The following HHLA1 variants were observed in gnomAD, a reference collection of about 807,000 sequenced individuals.
HHLA1 encodes HERV-H LTR-associating protein 1.
A neutral mutation model predicts 69.9 loss-of-function variants in HHLA1; 72 were observed. The ratio of observed to expected loss-of-function variants is 1.03; its 90% confidence interval spans 0.85 to 1.25. The LOEUF is 1.25. Among genes scored for constraint, HHLA1 ranks in the 50% most tolerant of loss-of-function variants. The pLI is 0.00. For missense variants in HHLA1, 685 were observed against 642.2 expected (o/e 1.07, Z -0.72); for synonymous variants, 252 against 233.2 (o/e 1.08, Z -0.73).
chr8:132,078,171 AACACACAC>A (rs34612835), intron 11 of HHLA1, among the ~76,000 whole-genome samples, 200 bp from the exon 12 acceptor site: 5,623 of 144,458 alleles, frequency 0.039, 327 homozygotes, highest in African/African-American at 0.13. Flanking sequence ...AGCACCAATA[AACACACAC>A]ACACACACAC....
intron 7 of HHLA1, among the ~76,000 whole-genome samples, chr8:132,092,281 G>C (rs1586732207): frequency 6.6e-6 from 1 of 152,202 alleles, no homozygotes; most frequent in Non-Finnish European, 1.5e-5. Context: ...TGCTTTGTGG[G>C]TGAGTGTAGC....
chr8:132,068,078 T>C (rs1425760278), intron 15 of HHLA1, among the ~76,000 whole-genome samples: 1 of 152,194 alleles, frequency 6.6e-6, no homozygotes, highest in Non-Finnish European at 1.5e-5. Context: ...AAAGCTTCTG[T>C]GATAGAGGAT....
At chr8:132,092,887 G>A (rs1823967525) in intron 7 of HHLA1, among the ~76,000 whole-genome samples, 1 of 152,176 alleles carries the variant, frequency 6.6e-6, no homozygotes, top group Non-Finnish European at 1.5e-5. Flanking sequence ...AGATCATTAT[G>A]AAAGGCAAAG....
At chr8:132,090,820 G>A (rs59476956) in intron 7 of HHLA1, among the ~76,000 whole-genome samples, 1,673 of 147,278 alleles carry the variant, frequency 0.011, 36 homozygotes, top group African/African-American at 0.04. Context: ...GTGCAGTGGC[G>A]CAATCTCGGC....
At chr8:132,072,369 T>C (rs1823561647) in intron 14 of HHLA1, among the ~76,000 whole-genome samples, 1 of 152,144 alleles carries the variant, frequency 6.6e-6, no homozygotes, top group Non-Finnish European at 1.5e-5. Flanking sequence ...ACAATTTATA[T>C]AAAGTATATT....
intron 14 of HHLA1, among the ~76,000 whole-genome samples, chr8:132,073,866 C>T (rs989324473): frequency 2.0e-5 from 3 of 152,202 alleles, no homozygotes; most frequent in Admixed American, 6.5e-5. Flanking sequence ...GTCTCCCTAT[C>T]CACACAGTCA....
At chr8:132,105,108 G>T in intron 2 of HHLA1, 79 bp downstream of exon 2, 1 of 1,049,672 alleles carries the variant, frequency 9.5e-7, no homozygotes, top group Non-Finnish European at 1.4e-6. Context: ...AATGTTGGCT[G>T]CTGAGGTTCT....
chr8:132,065,247 T>C (rs1823413981), intron 16 of HHLA1, among the ~76,000 whole-genome samples: 1 of 152,120 alleles, frequency 6.6e-6, no homozygotes, highest in Non-Finnish European at 1.5e-5. Context: ...TTTGCATGAA[T>C]TATTTGTTTG....
At position 132,095,510 on chromosome 8, in the gene HHLA1, T is replaced by G. The variant is rs1586733289; in HGVS notation, c.448+9A>C. On this transcript the variant is annotated intron_variant, in intron 7 of 16. Coordinates refer to ENST00000414222, the MANE Select transcript of HHLA1 (RefSeq NM_001145095.3). Reference sequence around the variant, plus strand: ...AAAAGCTGCAAGCCTCATGGTAAGCTGTACCCACCTGATAAGTCATTGGTC... The same window carrying G: ...AAAAGCTGCAAGCCTCATGGTAAGCGGTACCCACCTGATAAGTCATTGGTC... The G allele has an allele frequency of 6.5e-7, 1 of 1,533,310 alleles. No individual in the cohort carries two copies. Among genetic ancestry groups the G allele is most frequent in the African/African-American group, 1.4e-5 (1 of 72,756 alleles). The allele number at this position is 1,533,310 out of a possible 1,614,324, so 95.0% of individuals were successfully genotyped here.
At chr8:132,077,609 T>C in intron 12 of HHLA1, 117 bp downstream of exon 12, 3 of 1,029,150 alleles carry the variant, frequency 2.9e-6, no homozygotes, top group Admixed American at 2.6e-5. Flanking sequence ...ATGATCATTA[T>C]GTTTTCTTAG....
intron 11 of HHLA1, among the ~76,000 whole-genome samples, chr8:132,078,250 G>C (rs1198508307): frequency 1.3e-5 from 2 of 151,430 alleles, no homozygotes; most frequent in Non-Finnish European, 2.9e-5. Context: ...TGTGTGTTTG[G>C]GGGTCAGTTA....
At position 132,065,925 on chromosome 8, in the gene HHLA1, AT is replaced by A; in HGVS notation, c.1512del (p.Tyr505IlefsTer6). 1 of 1,303,186 alleles carries A rather than the reference AT, an allele frequency of 7.7e-7. No individual in the cohort carries two copies. Among genetic ancestry groups the A allele is most frequent in the Non-Finnish European group, 1.0e-6 (1 of 986,906 alleles). 80.7% of individuals were successfully genotyped at this position (1,303,186 alleles called of 1,614,324 possible). A position where few individuals can be genotyped will look rare whatever the true frequency, so the allele number is the denominator to read the frequency against. ...ACCCTTTTCACCCTCTGACAGATAT[AT>A]GTTGCATTCTTCAGAAACCAGGAAT... Reference protein sequence around the residue: ...EYYSWFLKNATYICQRVKRVS... With the variant: ...EYYSWFLKNAXYICQRVKRVS... On this transcript the variant is annotated frameshift_variant, in exon 16 of 17. Coordinates refer to ENST00000414222, the MANE Select transcript of HHLA1 (RefSeq NM_001145095.3). LOFTEE classifies it high-confidence loss of function.
chr8:132,101,148 T>C, intron 3 of HHLA1: 1 of 1,521,776 alleles, frequency 6.6e-7, no homozygotes, highest in Non-Finnish European at 8.8e-7. Context: ...CATTTTCATT[T>C]TGCAAATAGA....
intron 10 of HHLA1, chr8:132,080,345 A>C (rs1698999822): frequency 2.8e-6 from 1 of 354,598 alleles, no homozygotes; most frequent in African/African-American, 2.2e-5. Context: ...GAGTCAGTGA[A>C]GGGAGATAAG....
Position 132,087,848 on chromosome 8 carries a change from A to G in HHLA1, c.586T>C (p.Ser196Pro). ...CIFICVMTGKSGRNLSDFWEI... is the reference protein window; with the variant it reads ...CIFICVMTGKPGRNLSDFWEI... Reference sequence around the variant, plus strand: ...CAAAGAATGTCTAGTGGTTTACCTGACTTTCCTGTCATCACACAGATGAAG... The same window carrying G: ...CAAAGAATGTCTAGTGGTTTACCTGGCTTTCCTGTCATCACACAGATGAAG... Residue 196 changes from serine to proline, a missense_variant, in exon 9 of 17, where the codon TCA becomes CCA. Coordinates refer to ENST00000414222, the MANE Select transcript of HHLA1 (RefSeq NM_001145095.3). The G allele has an allele frequency of 1.3e-6, 2 of 1,551,454 alleles. No homozygotes were observed. Among genetic ancestry groups the G allele is most frequent in the Non-Finnish European group, 1.7e-6 (2 of 1,146,636 alleles).
intron 7 of HHLA1, among the ~76,000 whole-genome samples, chr8:132,092,711 C>A (rs751763626): frequency 4.6e-5 from 7 of 152,342 alleles, no homozygotes; most frequent in Middle Eastern, 3.4e-3. Context: ...GTACAGCCTG[C>A]AGAACCATGA....
At chr8:132,091,538 A>G (rs1029403363) in intron 7 of HHLA1, among the ~76,000 whole-genome samples, 3 of 152,202 alleles carry the variant, frequency 2.0e-5, no homozygotes, top group African/African-American at 7.2e-5. Context: ...TGTTTTCACA[A>G]TCTGCTTTTT....
intron 11 of HHLA1, 85 bp downstream of exon 11, chr8:132,079,632 GT>G: frequency 7.3e-7 from 1 of 1,377,844 alleles, no homozygotes; most frequent in Non-Finnish European, 9.7e-7. Flanking sequence ...AGGGATTAAG[GT>G]AAGGATTTTG....
At chr8:132,071,203 C>G in intron 15 of HHLA1, 137 bp downstream of exon 15, 2 of 663,318 alleles carry the variant, frequency 3.0e-6, no homozygotes, top group Non-Finnish European at 5.1e-6. Context: ...ACTGGAGAGT[C>G]CCTTACCTTG....
Sources: allele counts gnomAD v4.1 joint callset (sites outside exome capture counted in the v4.1 genomes callset), GRCh38; gene constraint gnomAD v4.1.1; transcripts MANE v1.5; gene names NCBI Gene and HGNC (gene_info 2026-07-23, HGNC 2026-07-21).